Variants in PDE1C observed in about 807,000 individuals in gnomAD.
PDE1C encodes the protein phosphodiesterase 1C.
PDE1C carries 62 observed loss-of-function variants against 93.1 expected under a neutral mutation model. The ratio of observed to expected loss-of-function variants is 0.67; its 90% CI spans 0.54 to 0.82. The LOEUF (loss-of-function observed/expected upper bound fraction) is 0.82, where lower values mean the gene tolerates loss of function less well. PDE1C is among the 40% of genes least tolerant of loss of function. PDE1C has a pLI of 0.00. For missense variants in PDE1C, 742 were observed against 884.6 expected (o/e 0.84, Z 2.04); for synonymous variants, 325 against 310.1 (o/e 1.05, Z -0.50).
At chr7:32,237,084 T>TA (rs1038803476) in intron 1 of PDE1C, among the ~76,000 whole-genome samples, 13 of 28,222 alleles carry the variant, frequency 4.6e-4, no homozygotes, top group Admixed American at 8.6e-4. Context: ...TGTAATATTC[T>TA]TTTTTTTTTT....
chr7:32,301,950 TTC>T (rs1257996188), upstream of PDE1C, among the ~76,000 whole-genome samples: 1 of 152,226 alleles, frequency 6.6e-6, no homozygotes, highest in Non-Finnish European at 1.5e-5. Flanking sequence ...AAGAATAATA[TTC>T]TGTGACACAT....
chr7:31,716,887 A>G, the PDE1C span, among the ~76,000 whole-genome samples: 1 of 152,234 alleles, frequency 6.6e-6, no homozygotes, highest in Non-Finnish European at 1.5e-5. Flanking sequence ...CCCTCGCTGC[A>G]GAGCCAGAGG....
chr7:31,680,735 A>G, the PDE1C span, among the ~76,000 whole-genome samples: 1 of 151,994 alleles, frequency 6.6e-6, no homozygotes, highest in South Asian at 2.1e-4. Flanking sequence ...CTGAGTCTCC[A>G]TTCGACAAGA....
At chr7:32,032,786 A>G (rs1790510127) in intron 2 of PDE1C, among the ~76,000 whole-genome samples, 1 of 152,136 alleles carries the variant, frequency 6.6e-6, no homozygotes, top group African/African-American at 2.4e-5. Flanking sequence ...ACCGTTAGAC[A>G]TGCAGAATCT....
At chr7:32,111,453 G>C (rs1459170732) in intron 3 of PDE1C, among the ~76,000 whole-genome samples, 1 of 152,204 alleles carries the variant, frequency 6.6e-6, no homozygotes, top group Non-Finnish European at 1.5e-5. Context: ...CCCATCATGA[G>C]ATGGTGCAGG....
chr7:31,642,274 A>C, the PDE1C span: 2 of 1,524,922 alleles, frequency 1.3e-6, no homozygotes, highest in Non-Finnish European at 1.8e-6. Flanking sequence ...AGGGTTTGGA[A>C]CAGGGCCCTG....
chr7:32,002,621 C>T (rs1467817924), intron 2 of PDE1C, among the ~76,000 whole-genome samples: 3 of 152,108 alleles, frequency 2.0e-5, no homozygotes, highest in African/African-American at 7.2e-5. Flanking sequence ...TATTATTAAA[C>T]AAAAACCATA....
intron 3 of PDE1C, among the ~76,000 whole-genome samples, chr7:32,090,788 C>G (rs977739413): frequency 6.6e-6 from 1 of 152,096 alleles, no homozygotes; most frequent in Non-Finnish European, 1.5e-5. Flanking sequence ...GCTCTTGGAC[C>G]CTCCTGGAGA....
chr7:32,217,819 T>C (rs1012556789), intron 1 of PDE1C, among the ~76,000 whole-genome samples: 2 of 152,212 alleles, frequency 1.3e-5, no homozygotes, highest in African/African-American at 4.8e-5. Context: ...TGCTATATAA[T>C]ACAATAACTT....
intron 16 of PDE1C, among the ~76,000 whole-genome samples, chr7:31,805,677 C>T (rs2128702323): frequency 6.6e-6 from 1 of 151,248 alleles, no homozygotes; most frequent in Admixed American, 6.6e-5. Flanking sequence ...TTATATTCTT[C>T]AGAACTCTAG....
At chr7:32,129,888 G>T (rs536788310) in intron 3 of PDE1C, among the ~76,000 whole-genome samples, 111 of 152,078 alleles carry the variant, frequency 7.3e-4, no homozygotes, top group African/African-American at 2.5e-3. Flanking sequence ...AGCACACATT[G>T]TTCCAATATA....
At chr7:32,272,420 C>T (rs934542588) in intron 1 of PDE1C, among the ~76,000 whole-genome samples, 4 of 152,206 alleles carry the variant, frequency 2.6e-5, no homozygotes, top group Non-Finnish European at 5.9e-5. Context: ...TCTCATTGAA[C>T]TAATGAAGAT....
chr7:31,643,787 G>A, the PDE1C span: 2 of 1,613,960 alleles, frequency 1.2e-6, no homozygotes, highest in Non-Finnish European at 1.7e-6. Context: ...GCCCACTGCT[G>A]CATCTGCTGT....
intron 1 of PDE1C, among the ~76,000 whole-genome samples, chr7:32,230,060 G>A (rs1204607108): frequency 6.6e-6 from 1 of 152,172 alleles, no homozygotes; most frequent in Non-Finnish European, 1.5e-5. Context: ...GAATAGAAAA[G>A]AACATTCCTC....
chr7:31,726,176 C>T, the PDE1C span, among the ~76,000 whole-genome samples: 1 of 152,138 alleles, frequency 6.6e-6, no homozygotes, highest in African/African-American at 2.4e-5. Context: ...CCAAGCATTT[C>T]TCCCGCTTTA....
At chr7:32,051,467 T>C in intron 2 of PDE1C, 87 bp downstream of exon 2, 3 of 1,247,884 alleles carry the variant, frequency 2.4e-6, no homozygotes, top group Non-Finnish European at 2.4e-6. Flanking sequence ...GCCTGTTTAT[T>C]ACAGTTCCAG....
intron 1 of PDE1C, among the ~76,000 whole-genome samples, chr7:32,307,479 G>A (rs1202712593): frequency 6.6e-6 from 1 of 152,184 alleles, no homozygotes; most frequent in Non-Finnish European, 1.5e-5. Context: ...CAAGGGGTGG[G>A]TGACATCTGG....
At chr7:31,990,172 C>G (rs530899875) in intron 2 of PDE1C, among the ~76,000 whole-genome samples, 2 of 152,304 alleles carry the variant, frequency 1.3e-5, no homozygotes, top group South Asian at 2.1e-4. Context: ...CCATCCAAAT[C>G]TCACTTTGAA....
chr7:32,133,791 T>G (rs1300257375), intron 3 of PDE1C, among the ~76,000 whole-genome samples: 4 of 152,096 alleles, frequency 2.6e-5, no homozygotes, highest in Non-Finnish European at 1.5e-5. Flanking sequence ...ATGTGATCCA[T>G]CCTCAACAAG....
Sources: allele counts gnomAD v4.1 joint callset (sites outside exome capture counted in the v4.1 genomes callset), GRCh38; gene constraint gnomAD v4.1.1; transcripts MANE v1.5; gene names NCBI Gene and HGNC (gene_info 2026-07-23, HGNC 2026-07-21).